Variants in MRPL18 observed in about 807,000 individuals in gnomAD.
MRPL18 encodes large ribosomal subunit protein uL18m.
MRPL18 carries 16 observed loss-of-function variants against 20.9 expected under a neutral mutation model. That is an observed-to-expected ratio of 0.76 (90% CI 0.52 to 1.16). The LOEUF (loss-of-function observed/expected upper bound fraction) is 1.16. Ranked by LOEUF, MRPL18 falls within the 50% of genes most tolerant of loss-of-function variation. MRPL18 has a pLI of 0.00. For synonymous variants in MRPL18, 91 were observed against 87.1 expected (o/e 1.04, Z -0.25); for missense variants, 233 against 230.6 (o/e 1.01, Z -0.07).
Position 159,791,101 on chromosome 6 carries a change from T to C in MRPL18, c.214T>C (p.Phe72Leu). The C allele has an allele frequency of 6.2e-7, 1 of 1,614,152 alleles. No homozygotes were observed. Among genetic ancestry groups the C allele is most frequent in the Non-Finnish European group, 8.5e-7 (1 of 1,180,030 alleles). The stretch of plus-strand genomic sequence containing the variant: ...GAAAGAGCGGGGCTGGCGGACGGTG[T>C]TTCCCTCCCGTGAGTTCTGGCACAG... ...ARKERGWRTV[F>L]PSREFWHRLR... The change falls in exon 2 of 4, where the codon TTT (phenylalanine) becomes CTT (leucine). Residue 72 changes from phenylalanine to leucine, a missense_variant. Coordinates refer to ENST00000367034, the MANE Select transcript of MRPL18 (RefSeq NM_014161.5).
intron 3 of MRPL18, 130 bp downstream of exon 3, chr6:159,797,648 A>C: frequency 2.6e-6 from 2 of 768,724 alleles, no homozygotes; most frequent in Non-Finnish European, 4.2e-6. Context: ...TGAGTACTCA[A>C]CAGTGTTACT....
At position 159,798,206 on chromosome 6, in the gene MRPL18, GC is replaced by G; in HGVS notation, c.*85del. Reference sequence around the variant, plus strand: ...TCAAAAGAGAGCATCTGGAAGAACAGCCAGCTTGGAAGTTTTACAGCAATAA... The same window carrying G: ...TCAAAAGAGAGCATCTGGAAGAACAGCAGCTTGGAAGTTTTACAGCAATAA... On this transcript the variant is annotated 3_prime_UTR_variant, in exon 4 of 4. Coordinates refer to ENST00000367034, the MANE Select transcript of MRPL18 (RefSeq NM_014161.5). 1.7e-6 allele frequency: 2 copies of G among 1,178,566 alleles called. No homozygotes were observed. The highest frequency in any genetic ancestry group is 1.6e-5 in the African/African-American group (1 of 64,324). The allele number at this position is 1,178,566 out of a possible 1,614,324, so 73.0% of individuals were successfully genotyped here. A position where few individuals can be genotyped will look rare whatever the true frequency, so the allele number is the denominator to read the frequency against.
intron 2 of MRPL18, among the ~76,000 whole-genome samples, chr6:159,793,773 G>A (rs572967885): frequency 3.3e-5 from 5 of 152,106 alleles, no homozygotes; most frequent in African/African-American, 9.7e-5. Flanking sequence ...TTAGCCAGGC[G>A]TGGTGGCAGG....
intron 3 of MRPL18, 127 bp from the exon 4 acceptor site, chr6:159,797,925 C>T (rs2342479): frequency 0.5 from 363,276 of 727,848 alleles, 94,979 homozygotes; most frequent in Admixed American, 0.56. Flanking sequence ...TCTGAAAAAC[C>T]GTTGTAGGCT....
intron 2 of MRPL18, among the ~76,000 whole-genome samples, chr6:159,793,441 C>G (rs574040529): frequency 1.3e-5 from 2 of 152,104 alleles, no homozygotes; most frequent in African/African-American, 2.4e-5. Context: ...TTTCGTTGCC[C>G]AGGTTCTTAG....
Position 159,798,346 on chromosome 6 carries a change from C to T in MRPL18, c.*223C>T, listed in dbSNP as rs1251921355. ...GGGCTTCAGAAGCATCTAAGAAAAG[C>T]AGTCATCAATTATAATTAACTTTCA... On this transcript the variant is annotated 3_prime_UTR_variant, in exon 4 of 4. Transcript: ENST00000367034. 4.6e-6 allele frequency: 2 copies of T among 433,674 alleles called. No individual in the cohort carries two copies. Among genetic ancestry groups the T allele is most frequent in the African/African-American group, 2.0e-5 (1 of 48,786 alleles). The allele number at this position is 433,674 out of a possible 1,614,324, so 26.9% of individuals were successfully genotyped here. A position where few individuals can be genotyped will look rare whatever the true frequency, so the allele number is the denominator to read the frequency against.
Position 159,797,536 on chromosome 6 carries a change from T to C in MRPL18, c.471+18T>C. ...CAGACTCGGTATTTTTGTTTTCATG[T>C]ACTTATTGAAAAGGTATTGTGTTAA... On this transcript the variant is annotated intron_variant, in intron 3 of 3. Coordinates refer to ENST00000367034, the MANE Select transcript of MRPL18 (RefSeq NM_014161.5). 5 of 1,600,740 alleles carry C rather than the reference T, an allele frequency of 3.1e-6. No individual in the cohort carries two copies. Among genetic ancestry groups the C allele is most frequent in the Non-Finnish European group, 4.3e-6 (5 of 1,168,676 alleles).
In MRPL18 at chr6:159,790,640, G is replaced by C; in HGVS notation, c.52+1G>C. 1 of 1,613,834 alleles carries C rather than the reference G, an allele frequency of 6.2e-7. No individual in the cohort carries two copies. The highest frequency in any genetic ancestry group is 8.5e-7 in the Non-Finnish European group (1 of 1,179,892). On this transcript the variant is annotated splice_donor_variant, in intron 1 of 3. Transcript: ENST00000367034. LOFTEE classifies it high-confidence loss of function. ...TTGTTCTCGGTTTGCAGGAACCCTG[G>C]TAATTAGTCTTGCCCCCCTTCTCCC...
Position 159,790,945 on chromosome 6 carries a change from A to G in MRPL18, c.58A>G (p.Arg20Gly). ...CGGTTTTTCCCGTTGCCCAGGGTGCAGGTTCGCAGCCCTGTCAACCAGCTC... is the reference window on the plus strand; with the variant it reads ...CGGTTTTTCCCGTTGCCCAGGGTGCGGGTTCGCAGCCCTGTCAACCAGCTC... ...LFSVCRNPGC[R>G]FAALSTSSEP... The change falls in exon 2 of 4, where the codon AGG (arginine) becomes GGG (glycine). Residue 20 changes from arginine to glycine, a missense_variant. Coordinates refer to ENST00000367034, the MANE Select transcript of MRPL18 (RefSeq NM_014161.5). 1 of 1,614,092 alleles carries G rather than the reference A, an allele frequency of 6.2e-7. No individual in the cohort carries two copies. The highest frequency in any genetic ancestry group is 8.5e-7 in the Non-Finnish European group (1 of 1,180,010).
chr6:159,796,077 C>T (rs965682754), intron 2 of MRPL18, among the ~76,000 whole-genome samples: 20 of 152,020 alleles, frequency 1.3e-4, no homozygotes, highest in South Asian at 6.2e-4. Context: ...GAGTCACATG[C>T]CCAGCCTAAA....
chr6:159,791,194 C>T, intron 2 of MRPL18, 68 bp downstream of exon 2: 1 of 1,559,964 alleles, frequency 6.4e-7, no homozygotes, highest in Non-Finnish European at 8.7e-7. Flanking sequence ...CATTCAACTC[C>T]AGGCACTCTC....
intron 2 of MRPL18, among the ~76,000 whole-genome samples, chr6:159,791,637 A>T (rs1391425513): frequency 6.6e-6 from 1 of 152,248 alleles, no homozygotes; most frequent in African/African-American, 2.4e-5. Flanking sequence ...GCATTGTCTC[A>T]TGCCTGTAAT....
chr6:159,795,581 A>T (rs988855476), intron 2 of MRPL18, among the ~76,000 whole-genome samples: 2 of 152,210 alleles, frequency 1.3e-5, no homozygotes, highest in African/African-American at 4.8e-5. Context: ...AAGGTCATAG[A>T]TTAACAGAAT....
Position 159,797,398 on chromosome 6 carries a change from T to C in MRPL18, c.351T>C (p.Tyr117=). The C allele has an allele frequency of 6.2e-6, 10 of 1,614,156 alleles. No individual in the cohort carries two copies. The highest frequency in any genetic ancestry group is 7.6e-6 in the Non-Finnish European group (9 of 1,180,030). The change falls in exon 3 of 4, where the codon TAT becomes TAC. Residue 117 remains tyrosine, a synonymous_variant. Coordinates refer to ENST00000367034, the MANE Select transcript of MRPL18 (RefSeq NM_014161.5). ...TREWAIKKHL[Y]STRNVVACES... is the part of the protein sequence containing the mutation. The stretch of plus-strand genomic sequence containing the variant: ...AGTGGGCTATTAAAAAGCACCTTTA[T>C]AGTACCAGAAATGTGGTGGCTTGTG...
In MRPL18 at chr6:159,790,497, C is replaced by T. The variant is rs1349837248; in HGVS notation, c.-91C>T. On this transcript the variant is annotated 5_prime_UTR_variant, in exon 1 of 4. Transcript: ENST00000367034. Reference sequence around the variant, plus strand: ...TTTGGGGATCTACAGCAGCCAAAGGCTTGTCCCTGACTTTATATGGCTGCT... The same window carrying T: ...TTTGGGGATCTACAGCAGCCAAAGGTTTGTCCCTGACTTTATATGGCTGCT... 19 of 1,572,164 alleles carry T rather than the reference C, an allele frequency of 1.2e-5. No homozygotes were observed. The highest frequency in any genetic ancestry group is 2.2e-5 in the South Asian group (2 of 89,832).
At chr6:159,791,732 C>G (rs190901393) in intron 2 of MRPL18, among the ~76,000 whole-genome samples, 2 of 152,222 alleles carry the variant, frequency 1.3e-5, no homozygotes, top group African/African-American at 4.8e-5. Flanking sequence ...TGGTGAAACC[C>G]CGTCTCTACT....
chr6:159,793,785 A>G (rs11752479), intron 2 of MRPL18, among the ~76,000 whole-genome samples: 71,756 of 151,856 alleles, frequency 0.47, 17,978 homozygotes, highest in Non-Finnish European at 0.55. Context: ...GGTGGCAGGC[A>G]CCTGTAGTCC....
At position 159,790,921 on chromosome 6, in the gene MRPL18, G is replaced by T; in HGVS notation, c.53-19G>T. 1 of 1,613,580 alleles carries T rather than the reference G, an allele frequency of 6.2e-7. No individual in the cohort carries two copies. The highest frequency in any genetic ancestry group is 8.5e-7 in the Non-Finnish European group (1 of 1,179,800). On this transcript the variant is annotated intron_variant, in intron 1 of 3. Transcript: ENST00000367034. ...TATCCGTCATTTTTAAGCCCTGTGC[G>T]GTTTTTCCCGTTGCCCAGGGTGCAG... is the stretch of plus-strand genomic sequence containing the variant.
At chr6:159,790,079 A>C, upstream of MRPL18, 1 of 181,620 alleles carries the variant, frequency 5.5e-6, no homozygotes, top group Non-Finnish European at 1.2e-5. Flanking sequence ...AAGGGCGCGA[A>C]CCTGGGTGGG....
Sources: gnomAD v4.1 joint callset for allele counts (sites outside exome capture counted in the v4.1 genomes callset) on GRCh38, gnomAD v4.1.1 for gene constraint, MANE v1.5 for transcripts, NCBI Gene and HGNC (gene_info 2026-07-23, HGNC 2026-07-21) for gene names.